The following PCDHGA5 variants were observed in gnomAD, a reference collection of about 807,000 sequenced individuals.
PCDHGA5 encodes the protein protocadherin gamma subfamily A, 5.
In PCDHGA5, 36 loss-of-function variants were observed where a neutral mutation model predicts 56.7. The observed-to-expected ratio is 0.64, with a 90% confidence interval of 0.49 to 0.84. The LOEUF is 0.84. Ranked by LOEUF, PCDHGA5 falls within the 40% of genes least tolerant of loss-of-function variation. PCDHGA5 has a pLI of 0.00. For synonymous variants in PCDHGA5, 563 were observed against 520.2 expected, an observed-to-expected ratio of 1.08 and a Z score of -1.12; for missense variants, 1,305 against 1,201.5, an observed-to-expected ratio of 1.09 and a Z score of -1.27.
At chr5:141,429,726 C>T (rs931967000) in intron 1 of PCDHGA5, among the ~76,000 whole-genome samples, 23 of 152,068 alleles carry the variant, frequency 1.5e-4, no homozygotes, top group Admixed American at 1.3e-4. Flanking sequence ...CATGAAAGTA[C>T]GTAGCCAGTT....
chr5:141,364,891 T>C lies in PCDHGA5; in HGVS notation c.561T>C (p.Asp187=). Reference sequence around the variant, plus strand: ...CTCTGGATGTGGTAAGCGGAACTGATGGACAAAAGTATCCGGAGCTGGTGT... The same window carrying C: ...CTCTGGATGTGGTAAGCGGAACTGACGGACAAAAGTATCCGGAGCTGGTGT... ...HFSLDVVSGT[D]GQKYPELVLE... The change falls in exon 1 of 4, where the codon GAT becomes GAC. Residue 187 remains aspartate, a synonymous_variant. Coordinates refer to ENST00000518069, the MANE Select transcript of PCDHGA5 (RefSeq NM_018918.3). 2 of 1,613,950 alleles carry C rather than the reference T, an allele frequency of 1.2e-6. No homozygotes were observed. Among genetic ancestry groups the C allele is most frequent in the Middle Eastern group, 1.6e-4 (1 of 6,062 alleles).
intron 1 of PCDHGA5, chr5:141,387,746 C>T (rs1051013306): frequency 1.5e-6 from 2 of 1,365,936 alleles, no homozygotes; most frequent in Non-Finnish European, 9.8e-7. Flanking sequence ...ACACCGCTTC[C>T]TCCTCGGAAA....
intron 1 of PCDHGA5, chr5:141,409,456 C>T: frequency 1.2e-6 from 2 of 1,613,974 alleles, no homozygotes; most frequent in Middle Eastern, 3.3e-4. Context: ...CACCAGAATA[C>T]AATGTCACCA....
intron 1 of PCDHGA5, chr5:141,418,921 T>A (rs897705216): frequency 1.9e-6 from 3 of 1,613,928 alleles, no homozygotes; most frequent in Admixed American, 3.3e-5. Context: ...CACTCTCTGA[T>A]CAGATTATGG....
chr5:141,390,222 G>C (rs758225583), intron 1 of PCDHGA5: 2 of 1,614,022 alleles, frequency 1.2e-6, no homozygotes, highest in Admixed American at 3.3e-5. Context: ...CATACTTTGC[G>C]GTGATTCATC....
intron 3 of PCDHGA5, among the ~76,000 whole-genome samples, chr5:141,509,907 C>T (rs149338646): frequency 3.3e-5 from 5 of 152,182 alleles, no homozygotes; most frequent in South Asian, 2.1e-4. Context: ...TTCCAGCATG[C>T]GCTTAGGTAC....
intron 1 of PCDHGA5, chr5:141,422,528 C>T: frequency 5.0e-6 from 8 of 1,614,018 alleles, no homozygotes; most frequent in Non-Finnish European, 5.1e-6. Flanking sequence ...CCGCCTTTGT[C>T]TGCAGAAACT....
intron 1 of PCDHGA5, chr5:141,378,136 CATT>C (rs1561579952): frequency 6.6e-6 from 1 of 152,158 alleles, no homozygotes; most frequent in Non-Finnish European, 1.5e-5. Context: ...TTGACATCAC[CATT>C]ATTATAATTA....
intron 1 of PCDHGA5, among the ~76,000 whole-genome samples, chr5:141,482,723 A>G (rs1441054551): frequency 2.3e-5 from 3 of 128,892 alleles, no homozygotes; most frequent in Non-Finnish European, 4.9e-5. Context: ...GGGAGGGGCC[A>G]TTGCAAGAAA....
chr5:141,490,088 ACCACAC>A lies in PCDHGA5; in HGVS notation c.2422-4718_2422-4713del. On this transcript the variant is annotated intron_variant, in intron 1 of 3. Transcript: ENST00000518069. The surrounding 1 kb of genome is among the most constrained non-coding windows in gnomAD (Gnocchi z 5.4). The stretch of plus-strand genomic sequence containing the variant: ...GGCCAACTAGACTATTCTTTTGGAG[ACCACAC>A]ATCTGAGGCAGTGCGGAACCTCTTT... The A allele has an allele frequency of 6.2e-7, 1 of 1,614,190 alleles. No homozygotes were observed. Among genetic ancestry groups the A allele is most frequent in the Non-Finnish European group, 8.5e-7 (1 of 1,180,004 alleles).
At chr5:141,509,275 G>A (rs185255724) in intron 3 of PCDHGA5, among the ~76,000 whole-genome samples, 1 of 152,096 alleles carries the variant, frequency 6.6e-6, no homozygotes, top group East Asian at 1.9e-4. Flanking sequence ...CTCGCTACCC[G>A]CTCCCAGGGT....
intron 1 of PCDHGA5, among the ~76,000 whole-genome samples, chr5:141,381,826 CTTTTTTTTTTTT>C (rs770630741): frequency 2.7e-5 from 2 of 74,284 alleles, no homozygotes; most frequent in Non-Finnish European, 4.7e-5. Flanking sequence ...CTTTCTTCTT[CTTTTTTTTTTTT>C]TTTTTTTTTT....
intron 1 of PCDHGA5, chr5:141,428,910 A>C (rs956124609): frequency 1.3e-5 from 2 of 151,302 alleles, no homozygotes; most frequent in Non-Finnish European, 2.9e-5. Context: ...GCTGGAGTGC[A>C]GTGGCATGAT....
intron 1 of PCDHGA5, chr5:141,408,693 T>C (rs1561714723): frequency 6.2e-6 from 10 of 1,613,768 alleles, no homozygotes; most frequent in Non-Finnish European, 8.5e-6. Flanking sequence ...GATATAAACA[T>C]AAACTCAATT....
Position 141,490,179 on chromosome 5 carries a change from A to G in PCDHGA5, c.2422-4628A>G. On this transcript the variant is annotated intron_variant, in intron 1 of 3. Transcript: ENST00000518069. This position sits in a 1 kb window ranked among gnomAD's most constrained non-coding sequence, Gnocchi z 5.4. Reference sequence around the variant, plus strand: ...TGGGTCCCATAGACTTTGAGGAGTCACGTTTCTATGAAATTCATGCAAGAG... The same window carrying G: ...TGGGTCCCATAGACTTTGAGGAGTCGCGTTTCTATGAAATTCATGCAAGAG... 1 of 1,614,202 alleles carries G rather than the reference A, an allele frequency of 6.2e-7. No individual in the cohort carries two copies. Among genetic ancestry groups the G allele is most frequent in the East Asian group, 2.2e-5 (1 of 44,882 alleles).
chr5:141,398,497 G>A, intron 1 of PCDHGA5: 1 of 1,570,856 alleles, frequency 6.4e-7, no homozygotes, highest in Non-Finnish European at 8.6e-7. Context: ...TGTGGAGATC[G>A]AGGACATTAA....
At chr5:141,371,947 G>C in intron 1 of PCDHGA5, 1 of 1,613,300 alleles carries the variant, frequency 6.2e-7, no homozygotes, top group Non-Finnish European at 8.5e-7. Context: ...TTCGCGCAGC[G>C]AGCCTTCGAC....
Position 141,490,943 on chromosome 5 carries a change from G to A in PCDHGA5, c.2422-3864G>A, listed in dbSNP as rs1035375216. The A allele has an allele frequency of 6.8e-6, 11 of 1,613,470 alleles. No homozygotes were observed. The East Asian group carries it at 1.1e-4, about 16-fold the overall frequency. On this transcript the variant is annotated intron_variant, in intron 1 of 3. Coordinates refer to ENST00000518069, the MANE Select transcript of PCDHGA5 (RefSeq NM_018918.3). This position sits in a 1 kb window ranked among gnomAD's most constrained non-coding sequence, Gnocchi z 5.4. Reference sequence around the variant, plus strand: ...AATGCCCCAGCTGTGCTGCACCCACGGCCAGACTGGGAACACTCAGCCCCC... The same window carrying A: ...AATGCCCCAGCTGTGCTGCACCCACAGCCAGACTGGGAACACTCAGCCCCC...
At chr5:141,449,837 T>A (rs917239289) in intron 1 of PCDHGA5, among the ~76,000 whole-genome samples, 3 of 151,742 alleles carry the variant, frequency 2.0e-5, no homozygotes, top group Non-Finnish European at 4.4e-5. Context: ...TTCTTTTATA[T>A]AATTAAATTT....
Sources: allele counts gnomAD v4.1 joint callset (sites outside exome capture counted in the v4.1 genomes callset), GRCh38; gene constraint gnomAD v4.1.1; non-coding constraint Gnocchi (gnomAD v3.1); transcripts MANE v1.5; gene names NCBI Gene and HGNC (gene_info 2026-07-23, HGNC 2026-07-21).